The following COPB2 variants were observed in gnomAD, a reference collection of about 807,000 sequenced individuals.
COPB2 encodes the protein coatomer subunit beta'.
In COPB2, 16 loss-of-function variants were observed where a neutral mutation model predicts 120.8. That is an observed-to-expected ratio of 0.13 (90% CI 0.09 to 0.20). The LOEUF is 0.20. Ranked by LOEUF, COPB2 falls within the 10% of genes least tolerant of loss-of-function variation. COPB2 has a pLI of 1.00. For synonymous variants in COPB2, 332 were observed against 366.3 expected, an observed-to-expected ratio of 0.91 and a Z score of 1.07; for missense variants, 794 against 1,076.5, an observed-to-expected ratio of 0.74 and a Z score of 3.67.
chr3:139,374,775 T>C (rs375696693), intron 6 of COPB2, among the ~76,000 whole-genome samples, 187 bp from the exon 7 acceptor site: 1 of 152,154 alleles, frequency 6.6e-6, no homozygotes, highest in Non-Finnish European at 1.5e-5. Context: ...CTAATTACTT[T>C]GTAAAATAAA....
In COPB2 at chr3:139,359,137, T is replaced by A; in HGVS notation, c.2345A>T (p.Gln782Leu). 6.2e-7 allele frequency: 1 copy of A among 1,614,040 alleles called. No individual in the cohort carries two copies. Among genetic ancestry groups the A allele is most frequent in the Non-Finnish European group, 8.5e-7 (1 of 1,180,000 alleles). ...GTCAGCAAGGGATTCTGCTGCTTTCTGATTGACTTTTGAGAGATTCTCTCT... is the reference window on the plus strand; with the variant it reads ...GTCAGCAAGGGATTCTGCTGCTTTCAGATTGACTTTTGAGAGATTCTCTCT... ...LWRENLSKVN[Q>L]KAAESLADPT... The change falls in exon 19 of 22, where the codon CAG (glutamine) becomes CTG (leucine). Residue 782 changes from glutamine (Q) to leucine (L), a missense_variant. Around this residue, in one of 3 missense-constraint regions of COPB2, gnomAD observed 178 missense variants for 183.2 expected, o/e 0.97. Transcript: ENST00000333188.
chr3:139,368,355 CTTGG>C (rs1941559459), intron 12 of COPB2, 67 bp from the exon 13 acceptor site: 1 of 1,473,806 alleles, frequency 6.8e-7, no homozygotes, highest in African/African-American at 1.4e-5. Flanking sequence ...ACTGCACATA[CTTGG>C]TTTCTTACAA....
chr3:139,359,392 C>A (rs1179047836), intron 17 of COPB2, 30 bp from the exon 18 acceptor site: 22 of 1,596,854 alleles, frequency 1.4e-5, no homozygotes, highest in Non-Finnish European at 1.8e-5. Flanking sequence ...GGTACTGTTA[C>A]CAAGAATAAA....
intron 13 of COPB2, among the ~76,000 whole-genome samples, 159 bp from the exon 14 acceptor site, chr3:139,367,304 T>G (rs551743656): frequency 6.6e-6 from 1 of 151,950 alleles, no homozygotes; most frequent in African/African-American, 2.4e-5. Context: ...TTTTTTTTTT[T>G]TTTTGAGATG....
At chr3:139,368,597 T>C (rs977207178) in intron 12 of COPB2, among the ~76,000 whole-genome samples, 54 of 152,318 alleles carry the variant, frequency 3.5e-4, no homozygotes, top group African/African-American at 1.3e-3. Context: ...TTTTTATTTT[T>C]TTCATTTTCA....
chr3:139,373,231 T>C lies in COPB2; in HGVS notation c.1076A>G (p.Gln359Arg). ...GGCTTACCGCCCATTAGGATTGTGC[T>C]GAATAGTCTGAGGGTATATTTCACA... ...GSCEIYPQTI[Q>R]HNPNGRFVVV... The change falls in exon 9 of 22, where the codon CAG becomes CGG. Residue 359 changes from glutamine to arginine, a missense_variant. Physicochemically the swap from Gln to Arg is conservative, Grantham distance 43. Around this residue, in one of 3 missense-constraint regions of COPB2, gnomAD observed 610 missense variants for 866.7 expected, o/e 0.70. Coordinates refer to ENST00000333188, the MANE Select transcript of COPB2 (RefSeq NM_004766.3). 6.2e-7 allele frequency: 1 copy of C among 1,614,062 alleles called. No homozygotes were observed. The highest frequency in any genetic ancestry group is 1.1e-5 in the South Asian group (1 of 91,082).
rs988187463 is a variant in COPB2 at position 139,357,682 on chromosome 3, T to G, written c.*181A>C. On this transcript the variant is annotated 3_prime_UTR_variant, in exon 22 of 22. Transcript: ENST00000333188. ...TAGTTAACAAGGAAAACACAGTGAT[T>G]TAAATGCTGCACATAAACTCTTCTT... The G allele has an allele frequency of 2.3e-6, 1 of 434,618 alleles. No homozygotes were observed. Among genetic ancestry groups the G allele is most frequent in the African/African-American group, 2.0e-5 (1 of 48,890 alleles). 26.9% of individuals were successfully genotyped at this position (434,618 alleles called of 1,614,324 possible).
intron 15 of COPB2, among the ~76,000 whole-genome samples, chr3:139,363,058 C>T (rs1941453382): frequency 6.6e-6 from 1 of 152,160 alleles, no homozygotes; most frequent in African/African-American, 2.4e-5. Flanking sequence ...ATCTGTAGGT[C>T]ATAGCAAACA....
intron 20 of COPB2, 65 bp downstream of exon 20, chr3:139,358,679 T>G (rs563167768): frequency 4.3e-4 from 499 of 1,174,110 alleles, no homozygotes; most frequent in Non-Finnish European, 5.9e-4. Context: ...AAACTCTGTC[T>G]CAAAAGAAAA....
At chr3:139,372,215 C>T (rs1196833161) in intron 9 of COPB2, among the ~76,000 whole-genome samples, 1 of 152,154 alleles carries the variant, frequency 6.6e-6, no homozygotes, top group Non-Finnish European at 1.5e-5. Context: ...ATTTATACCA[C>T]AGGAAGGCAC....
At position 139,358,253 on chromosome 3, in the gene COPB2, C is replaced by T; in HGVS notation, c.2572G>A (p.Ala858Thr). 3 of 1,614,066 alleles carry T rather than the reference C, an allele frequency of 1.9e-6. No homozygotes were observed. Among genetic ancestry groups the T allele is most frequent in the Non-Finnish European group, 8.5e-7 (1 of 1,179,956 alleles). ...GCCACAATAACCGGAGTAGGAGAAG[C>T]AGGTTTCCCATCAAGTTCCTGAAAC... ...TAQQELDGKP[A>T]SPTPVIVASH... The change falls in exon 21 of 22, where the codon GCT (alanine) becomes ACT (threonine). Residue 858 changes from alanine (A) to threonine (T), a missense_variant. Physicochemically the swap from Ala to Thr is moderately conservative, Grantham distance 58. Transcript: ENST00000333188.
At chr3:139,374,890 A>C (rs990393999) in intron 6 of COPB2, among the ~76,000 whole-genome samples, 2 of 152,184 alleles carry the variant, frequency 1.3e-5, no homozygotes, top group African/African-American at 4.8e-5. Flanking sequence ...TCCCCCTTAA[A>C]ACTCACACCT....
rs1186976238 is a variant in COPB2, at chr3:139,369,548, G to C, written c.1206-4C>G. On this transcript the variant is annotated splice_region_variant and splice_polypyrimidine_tract_variant and intron_variant, in intron 10 of 21. Transcript: ENST00000333188. ...GTTGCTCTCTCTTATTGCATACCTG[G>C]GAGAAAAAAGGGAAGGCAAACATAA... 6.4e-7 allele frequency: 1 copy of C among 1,559,780 alleles called. No homozygotes were observed. Among genetic ancestry groups the C allele is most frequent in the Admixed American group, 1.8e-5 (1 of 54,490 alleles).
At chr3:139,367,496 C>G (rs1941540196) in intron 13 of COPB2, among the ~76,000 whole-genome samples, 1 of 152,046 alleles carries the variant, frequency 6.6e-6, no homozygotes, top group South Asian at 2.1e-4. Context: ...CCATGCTGGC[C>G]AGGCTGGTCT....
intron 15 of COPB2, among the ~76,000 whole-genome samples, chr3:139,365,994 G>A (rs544754967): frequency 6.7e-4 from 102 of 152,188 alleles, no homozygotes; most frequent in African/African-American, 2.4e-3. Flanking sequence ...TCTACAGAGG[G>A]GGAAGTCACA....
At chr3:139,384,761 T>C (rs1941883975) in intron 1 of COPB2, among the ~76,000 whole-genome samples, 1 of 152,226 alleles carries the variant, frequency 6.6e-6, no homozygotes. Context: ...TTTAAAAAAC[T>C]GTCACAATGA....
At chr3:139,372,542 T>G (rs916907778) in intron 9 of COPB2, among the ~76,000 whole-genome samples, 1 of 152,214 alleles carries the variant, frequency 6.6e-6, no homozygotes, top group East Asian at 1.9e-4. Context: ...GACAATTATA[T>G]TACAAATAAT....
In COPB2 at chr3:139,375,738, A is replaced by AT. The variant is rs529021184; in HGVS notation, c.505-125dup. ...CAGGAGAGAAGAGCTATCAAATTTT[A>AT]TTTTTTATCCTGTTTGGTTTTTGTT... On this transcript the variant is annotated intron_variant, in intron 5 of 21. Coordinates refer to ENST00000333188, the MANE Select transcript of COPB2 (RefSeq NM_004766.3). 167 of 1,185,248 alleles carry AT rather than the reference A, an allele frequency of 1.4e-4. 1 individual carries two copies. In the East Asian group the frequency reaches 3.9e-3, roughly 28 times the overall value. The allele number at this position is 1,185,248 out of a possible 1,614,324, so 73.4% of individuals were successfully genotyped here.
intron 1 of COPB2, among the ~76,000 whole-genome samples, chr3:139,386,812 T>G (rs1001098453): frequency 6.6e-6 from 1 of 152,020 alleles, no homozygotes; most frequent in African/African-American, 2.4e-5. Context: ...TATTGATTAT[T>G]GAGTAAAAGT....
Sources: gnomAD v4.1 joint callset for allele counts (sites outside exome capture counted in the v4.1 genomes callset) on GRCh38, gnomAD v4.1.1 for gene constraint, gnomAD v4.1.1 regional missense constraint, MANE v1.5 for transcripts, NCBI Gene and HGNC (gene_info 2026-07-23, HGNC 2026-07-21) for gene names.